Variants in MAPKAP1 observed in about 807,000 individuals in gnomAD.
MAPKAP1 encodes the protein target of rapamycin complex 2 subunit MAPKAP1.
Under a neutral mutation model 65.7 loss-of-function variants are expected in MAPKAP1, and 20 were observed. That is an observed-to-expected ratio of 0.30 (90% CI 0.21 to 0.44). The LOEUF (loss-of-function observed/expected upper bound fraction) is 0.44. MAPKAP1 is among the 20% of genes least tolerant of loss of function. The pLI is 1.00. For synonymous variants in MAPKAP1, 222 were observed against 244.3 expected, an observed-to-expected ratio of 0.91 and a Z score of 0.85; for missense variants, 423 against 648.0, an observed-to-expected ratio of 0.65 and a Z score of 3.77.
At chr9:125,698,299 ATATATATATATATATATAT>A (rs1835474071) in intron 1 of MAPKAP1, among the ~76,000 whole-genome samples, 1 of 13,368 alleles carries the variant, frequency 7.5e-5, no homozygotes, top group Non-Finnish European at 1.5e-4. Context: ...ATATATATAT[ATATATATATATATATATAT>A]ATATATATAT....
chr9:125,611,712 CTAGAGT>C (rs777121578), intron 4 of MAPKAP1, among the ~76,000 whole-genome samples: 1 of 152,090 alleles, frequency 6.6e-6, no homozygotes, highest in Non-Finnish European at 1.5e-5. Flanking sequence ...GAAAACTTCA[CTAGAGT>C]TAATCACAAA....
At chr9:125,504,124 AC>A (rs1829070456) in intron 8 of MAPKAP1, among the ~76,000 whole-genome samples, 1 of 152,046 alleles carries the variant, frequency 6.6e-6, no homozygotes, top group African/African-American at 2.4e-5. Context: ...CTGTTATACT[AC>A]AGACCCCAAT....
At chr9:125,576,217 G>A (rs1221592751) in intron 5 of MAPKAP1, among the ~76,000 whole-genome samples, 1 of 152,212 alleles carries the variant, frequency 6.6e-6, no homozygotes, top group Admixed American at 6.5e-5. Context: ...TTTTAGGGCA[G>A]TGAAGCCATT....
chr9:125,582,027 C>G (rs1171909890), intron 5 of MAPKAP1, among the ~76,000 whole-genome samples: 2 of 151,988 alleles, frequency 1.3e-5, no homozygotes, highest in Non-Finnish European at 1.5e-5. Context: ...CATGTCTCTT[C>G]TCTTTCATTC....
chr9:125,545,106 A>G (rs1380714028), intron 6 of MAPKAP1, among the ~76,000 whole-genome samples: 1 of 152,236 alleles, frequency 6.6e-6, no homozygotes, highest in Non-Finnish European at 1.5e-5. Flanking sequence ...CTGTCAAGCT[A>G]ATTTTACTGA....
chr9:125,694,925 C>G (rs1046184616), intron 1 of MAPKAP1, among the ~76,000 whole-genome samples: 1 of 152,162 alleles, frequency 6.6e-6, no homozygotes, highest in Non-Finnish European at 1.5e-5. Flanking sequence ...TGACAGAGGT[C>G]TGTCATTGAA....
chr9:125,491,362 G>A (rs577946483), intron 8 of MAPKAP1, among the ~76,000 whole-genome samples: 35 of 151,950 alleles, frequency 2.3e-4, no homozygotes, highest in East Asian at 3.9e-4. Context: ...GATCACTTGA[G>A]CCCAGGAGGT....
At chr9:125,689,214 G>A (rs966073636) in intron 1 of MAPKAP1, among the ~76,000 whole-genome samples, 7 of 151,720 alleles carry the variant, frequency 4.6e-5, no homozygotes, top group African/African-American at 1.7e-4. Context: ...GAGGTGGGCG[G>A]ATCACGAAGT....
At chr9:125,572,461 T>C (rs1014023727) in intron 5 of MAPKAP1, among the ~76,000 whole-genome samples, 3 of 152,202 alleles carry the variant, frequency 2.0e-5, no homozygotes, top group African/African-American at 7.2e-5. Context: ...CTTACCATGA[T>C]TTGTCTTTAG....
intron 7 of MAPKAP1, among the ~76,000 whole-genome samples, chr9:125,538,481 T>C (rs1465870134): frequency 1.3e-5 from 2 of 152,126 alleles, no homozygotes; most frequent in Non-Finnish European, 2.9e-5. Flanking sequence ...TGCCACTTAC[T>C]GTGCAGGGAA....
intron 6 of MAPKAP1, among the ~76,000 whole-genome samples, chr9:125,553,054 C>T (rs1015737841): frequency 8.5e-5 from 13 of 152,084 alleles, no homozygotes; most frequent in Admixed American, 6.5e-5. Context: ...TGTGTCACCA[C>T]ATATTTTATA....
chr9:125,440,831 A>G (rs551729099), intron 11 of MAPKAP1, among the ~76,000 whole-genome samples: 4 of 152,240 alleles, frequency 2.6e-5, no homozygotes, highest in Non-Finnish European at 4.4e-5. Context: ...AGGTTTTATC[A>G]TTCTTAATAC....
chr9:125,611,760 A>G (rs1042280425), intron 4 of MAPKAP1, among the ~76,000 whole-genome samples: 3 of 152,252 alleles, frequency 2.0e-5, no homozygotes, highest in African/African-American at 7.2e-5. Flanking sequence ...AGGAAAAAAT[A>G]GCAATTCTGA....
At chr9:125,473,038 C>T (rs1219624098) in intron 9 of MAPKAP1, among the ~76,000 whole-genome samples, 2 of 151,358 alleles carry the variant, frequency 1.3e-5, no homozygotes, top group East Asian at 3.9e-4. Flanking sequence ...AAGTGATCCT[C>T]AGTGAAAGAA....
At chr9:125,578,386 T>A (rs900698819) in intron 5 of MAPKAP1, among the ~76,000 whole-genome samples, 1 of 151,518 alleles carries the variant, frequency 6.6e-6, no homozygotes, top group African/African-American at 2.4e-5. Context: ...CCTGTGACCC[T>A]GCCAAATCCC....
At chr9:125,703,856 C>T (rs891487988) in intron 1 of MAPKAP1, among the ~76,000 whole-genome samples, 2 of 152,004 alleles carry the variant, frequency 1.3e-5, no homozygotes, top group Non-Finnish European at 2.9e-5. Flanking sequence ...AACAGTAAGG[C>T]CTATACATCA....
At chr9:125,577,239 C>G (rs1379191161) in intron 5 of MAPKAP1, among the ~76,000 whole-genome samples, 2 of 151,806 alleles carry the variant, frequency 1.3e-5, no homozygotes, top group African/African-American at 4.8e-5. Flanking sequence ...GACCCTCTGC[C>G]TGGCAACCGC....
chr9:125,443,003 T>A (rs1027576104), intron 11 of MAPKAP1, among the ~76,000 whole-genome samples: 2 of 152,060 alleles, frequency 1.3e-5, no homozygotes, highest in Non-Finnish European at 2.9e-5. Flanking sequence ...CTTACCAGAG[T>A]CATGATCCTG....
intron 8 of MAPKAP1, among the ~76,000 whole-genome samples, chr9:125,485,806 A>G (rs188294279): frequency 3.2e-3 from 489 of 152,282 alleles, no homozygotes; most frequent in South Asian, 6.6e-3. Flanking sequence ...CGCAACTCCT[A>G]GCTCTGCCTC....
Sources: gnomAD v4.1 joint callset for allele counts (sites outside exome capture counted in the v4.1 genomes callset) on GRCh38, gnomAD v4.1.1 for gene constraint, MANE v1.5 for transcripts, NCBI Gene and HGNC (gene_info 2026-07-23, HGNC 2026-07-21) for gene names.